The following ATCAY variants were observed in gnomAD, a reference collection of about 807,000 sequenced individuals.
ATCAY encodes the protein caytaxin.
Under a neutral mutation model 47.7 loss-of-function variants are expected in ATCAY, and 22 were observed. The observed-to-expected ratio is 0.46, with a 90% confidence interval of 0.33 to 0.66. ATCAY has a LOEUF of 0.66. Among genes scored for constraint, ATCAY ranks in the 30% least tolerant of loss-of-function variants. The pLI is 0.02. For missense variants in ATCAY, 452 were observed against 515.0 expected, an observed-to-expected ratio of 0.88 and a Z score of 1.18; for synonymous variants, 216 against 207.6, an observed-to-expected ratio of 1.04 and a Z score of -0.35.
At chr19:3,882,499 A>ATT (rs34479422) in intron 1 of ATCAY, among the ~76,000 whole-genome samples, 194 of 133,868 alleles carry the variant, frequency 1.4e-3, no homozygotes, top group African/African-American at 3.4e-3. Flanking sequence ...TAATTTTTGT[A>ATT]TTTTTTTTTT....
intron 1 of ATCAY, among the ~76,000 whole-genome samples, chr19:3,885,127 A>AAC (rs1429580537): frequency 2.0e-5 from 3 of 149,916 alleles, no homozygotes; most frequent in East Asian, 2.0e-4. Context: ...AAAAAAAAAA[A>AAC]AAAAAAAACA....
chr19:3,882,568 C>T (rs917432828), intron 1 of ATCAY, among the ~76,000 whole-genome samples: 5 of 149,894 alleles, frequency 3.3e-5, no homozygotes, highest in South Asian at 2.1e-4. Context: ...CAGGCTCAAG[C>T]GATCCTCCTA....
intron 8 of ATCAY, among the ~76,000 whole-genome samples, chr19:3,912,304 C>A (rs2038929538): frequency 6.6e-6 from 1 of 151,532 alleles, no homozygotes; most frequent in Non-Finnish European, 1.5e-5. Context: ...GAGACCCTGT[C>A]TCTACAAAAA....
intron 9 of ATCAY, among the ~76,000 whole-genome samples, chr19:3,917,490 C>CAGCAGAATCACTCA (rs1032865067): frequency 2.6e-4 from 36 of 137,300 alleles, no homozygotes; most frequent in African/African-American, 1.0e-3. Flanking sequence ...GAGGCTGAGG[C>CAGCAGAATCACTCA]AGCAGAATCA....
chr19:3,921,826 G>A (rs1317384138), intron 12 of ATCAY, among the ~76,000 whole-genome samples: 3 of 152,074 alleles, frequency 2.0e-5, no homozygotes, highest in Admixed American at 2.0e-4. Context: ...GAACCTGGGA[G>A]GCGGAGGTTG....
chr19:3,885,108 TTAAAAAAAA>T (rs2038636752), intron 1 of ATCAY, among the ~76,000 whole-genome samples: 1 of 85,180 alleles, frequency 1.2e-5, no homozygotes, highest in Non-Finnish European at 2.6e-5. Context: ...GTTTTTTTTT[TTAAAAAAAA>T]AAAAAAAAAA....
intron 1 of ATCAY, among the ~76,000 whole-genome samples, chr19:3,882,270 G>A (rs1057491823): frequency 1.3e-5 from 2 of 151,412 alleles, no homozygotes; most frequent in African/African-American, 4.9e-5. Context: ...GGCGATCCTC[G>A]CAAAGTGCTG....
chr19:3,893,390 G>A (rs530498960), intron 2 of ATCAY, among the ~76,000 whole-genome samples: 23 of 152,164 alleles, frequency 1.5e-4, no homozygotes, highest in Admixed American at 5.2e-4. Flanking sequence ...ATGTTGGCCA[G>A]GCTGGTCTTG....
intron 4 of ATCAY, among the ~76,000 whole-genome samples, chr19:3,906,698 A>G (rs2038864197): frequency 6.6e-6 from 1 of 152,084 alleles, no homozygotes; most frequent in African/African-American, 2.4e-5. Flanking sequence ...CCAAGATCCC[A>G]ACAAACTGCC....
chr19:3,901,096 G>C (rs2038812640), intron 2 of ATCAY, among the ~76,000 whole-genome samples: 1 of 150,792 alleles, frequency 6.6e-6, no homozygotes, highest in South Asian at 2.1e-4. Flanking sequence ...TAGAGACGGG[G>C]TTTCACCATG....
chr19:3,916,852 C>G (rs4405673), intron 9 of ATCAY, among the ~76,000 whole-genome samples: 107,827 of 151,030 alleles, frequency 0.71, 39,449 homozygotes, highest in East Asian at 0.98. Context: ...CTGTTGCCTA[C>G]GCTGGAACGC....
intron 10 of ATCAY, among the ~76,000 whole-genome samples, chr19:3,918,587 A>T (rs2038988040): frequency 6.6e-6 from 1 of 152,000 alleles, no homozygotes. Context: ...AGCCTTTATC[A>T]TGCCAGGTCC....
At chr19:3,898,976 G>A (rs1279272550) in intron 2 of ATCAY, among the ~76,000 whole-genome samples, 1 of 152,154 alleles carries the variant, frequency 6.6e-6, no homozygotes, top group Non-Finnish European at 1.5e-5. Context: ...CACCGCGCCT[G>A]GCCGTCAATG....
rs60814801 is a variant in ATCAY at position 3,924,599 on chromosome 19, G to A, written c.*7G>A. On this transcript the variant is annotated 3_prime_UTR_variant, in exon 13 of 13. Transcript: ENST00000450849. ...CCTCCCTAGCATGTCCTGAGGCGAC[G>A]TGAGCATAACAAAGGACATGGAAGA... 1,624 of 1,613,666 alleles carry A rather than the reference G, an allele frequency of 1.0e-3. 12 individuals carry two copies. In the African/African-American group the frequency reaches 0.019, roughly 19 times the overall value.
intron 8 of ATCAY, among the ~76,000 whole-genome samples, chr19:3,912,886 T>TAA (rs36107570): frequency 0.58 from 83,773 of 145,352 alleles, 24,852 homozygotes; most frequent in East Asian, 0.93. Flanking sequence ...CTCTGTCTCT[T>TAA]AAAAAAAAAA....
intron 12 of ATCAY, among the ~76,000 whole-genome samples, chr19:3,923,704 T>C (rs938787032): frequency 6.7e-6 from 1 of 149,004 alleles, no homozygotes; most frequent in Non-Finnish European, 1.5e-5. Context: ...GAATGGTTGG[T>C]TGGATGAATG....
At chr19:3,924,473 G>A in intron 12 of ATCAY, 110 bp from the exon 13 acceptor site, 1 of 1,330,754 alleles carries the variant, frequency 7.5e-7, no homozygotes, top group Non-Finnish European at 1.1e-6. Flanking sequence ...GCTGCTGGGA[G>A]TTCACCCACG....
rs761657102 is a variant in ATCAY at position 3,907,741 on chromosome 19, C to T, written c.366C>T (p.Thr122=). Residue 122 remains threonine (T), a synonymous_variant, in exon 5 of 13, where the codon ACC becomes ACT. Transcript: ENST00000450849. This position sits in a 1 kb window ranked among gnomAD's most constrained non-coding sequence, Gnocchi z 5.1. The part of the protein sequence containing the change: ...NGNELEWEDD[T]PVATAKNMPG... Reference sequence around the variant, plus strand: ...TCCGCCACCTGCTTCTAGACGACACCCCCGTGGCCACCGCCAAGAACATGC... The same window carrying T: ...TCCGCCACCTGCTTCTAGACGACACTCCCGTGGCCACCGCCAAGAACATGC... 1.2e-6 allele frequency: 2 copies of T among 1,613,992 alleles called. No homozygotes were observed. The highest frequency in any genetic ancestry group is 2.2e-5 in the South Asian group (2 of 91,086).
chr19:3,902,674 T>C (rs2038825407), intron 3 of ATCAY, 129 bp downstream of exon 3: 1 of 1,065,292 alleles, frequency 9.4e-7, no homozygotes, highest in East Asian at 2.7e-5. Context: ...TCCTGGGGTC[T>C]ATGGTGGAAG....
Sources: gnomAD v4.1 joint callset for allele counts (sites outside exome capture counted in the v4.1 genomes callset) on GRCh38, gnomAD v4.1.1 for gene constraint, Gnocchi (gnomAD v3.1) non-coding constraint, MANE v1.5 for transcripts, NCBI Gene and HGNC (gene_info 2026-07-23, HGNC 2026-07-21) for gene names.